LRRTM4: variants seen among roughly 807,000 people sequenced by gnomAD.
The protein encoded by LRRTM4 is leucine rich repeat transmembrane neuronal 4, also known as leucine-rich repeat transmembrane neuronal protein 4.
A neutral mutation model predicts 47.6 loss-of-function variants in LRRTM4; 25 were observed. The ratio of observed to expected loss-of-function variants is 0.53; its 90% CI spans 0.38 to 0.73. The LOEUF is 0.73. LRRTM4 is among the 30% of genes least tolerant of loss of function. The probability of loss-of-function intolerance (pLI) is 0.00; values close to 1 mark genes in which losing one functional copy is unlikely to be tolerated. For missense variants in LRRTM4, 638 were observed against 713.4 expected, an observed-to-expected ratio of 0.89 and a Z score of 1.20; for synonymous variants, 311 against 269.5, an observed-to-expected ratio of 1.15 and a Z score of -1.51.
intron 3 of LRRTM4, among the ~76,000 whole-genome samples, chr2:76,908,196 A>T (rs1365072543): frequency 3.3e-5 from 5 of 150,558 alleles, no homozygotes; most frequent in Non-Finnish European, 7.4e-5. Flanking sequence ...AATATACGCA[A>T]ATCAATAAAT....
rs572923241 is a variant in LRRTM4 at position 77,462,524 on chromosome 2, T to C, written c.1551+55794A>G. Among the ~76,000 whole-genome samples, 42 of 152,048 alleles carry C rather than the reference T, an allele frequency of 2.8e-4. No homozygotes were observed. The South Asian group carries it at 8.1e-3, about 29-fold the overall frequency. ...CTCCTGGCTATCACCAATCAGTTAA[T>C]AAACCTCCTGCTATGAAATAAGGAA... On this transcript the variant is annotated intron_variant, in intron 3 of 3. Coordinates refer to ENST00000409884, the MANE Select transcript of LRRTM4 (RefSeq NM_001134745.3).
intron 3 of LRRTM4, among the ~76,000 whole-genome samples, chr2:77,432,855 G>A (rs752140428): frequency 1.3e-5 from 2 of 152,166 alleles, no homozygotes; most frequent in Non-Finnish European, 2.9e-5. Context: ...AATGTAAACA[G>A]GATGAAGTAA....
intron 3 of LRRTM4, among the ~76,000 whole-genome samples, chr2:77,459,772 A>G (rs201093076): frequency 1.4e-5 from 2 of 145,704 alleles, no homozygotes; most frequent in Admixed American, 6.8e-5. Flanking sequence ...AAAAAAAAAA[A>G]AAAAGAAAAT....
At chr2:76,823,847 T>A (rs998943644) in intron 3 of LRRTM4, among the ~76,000 whole-genome samples, 3 of 151,538 alleles carry the variant, frequency 2.0e-5, no homozygotes, top group African/African-American at 7.2e-5. Context: ...TAAATTTAGA[T>A]AAAATAGCAC....
chr2:77,245,339 G>C (rs757413452), intron 3 of LRRTM4, among the ~76,000 whole-genome samples: 2 of 151,826 alleles, frequency 1.3e-5, no homozygotes, highest in Admixed American at 6.6e-5. Flanking sequence ...TTGAGTACAG[G>C]AGTTTGAGAC....
intron 3 of LRRTM4, among the ~76,000 whole-genome samples, chr2:76,980,183 A>G (rs139282435): frequency 3.8e-4 from 58 of 152,206 alleles, no homozygotes; most frequent in Admixed American, 8.5e-4. Flanking sequence ...GCAAGACAGA[A>G]AAATGTAATA....
chr2:76,905,272 GA>G (rs1224476491), intron 3 of LRRTM4, among the ~76,000 whole-genome samples: 1 of 152,142 alleles, frequency 6.6e-6, no homozygotes, highest in Non-Finnish European at 1.5e-5. Context: ...AATTCCAACA[GA>G]CCTGCGGCTG....
At chr2:76,959,484 T>A (rs1391355646) in intron 3 of LRRTM4, among the ~76,000 whole-genome samples, 1 of 102,020 alleles carries the variant, frequency 9.8e-6, no homozygotes, top group African/African-American at 6.2e-5. Flanking sequence ...AAGGAGAAAT[T>A]ATCCACCTTT....
intron 3 of LRRTM4, among the ~76,000 whole-genome samples, chr2:77,451,457 T>C (rs2103952034): frequency 6.6e-6 from 1 of 152,268 alleles, no homozygotes; most frequent in East Asian, 1.9e-4. Flanking sequence ...AGGTGAGACT[T>C]AGAATACTAA....
At chr2:77,459,986 GATC>G (rs1676722515) in intron 3 of LRRTM4, among the ~76,000 whole-genome samples, 1 of 152,032 alleles carries the variant, frequency 6.6e-6, no homozygotes, top group African/African-American at 2.4e-5. Context: ...TCTATTCTAA[GATC>G]ATGATAAAAA....
chr2:77,175,708 G>A (rs1673177235), intron 3 of LRRTM4, among the ~76,000 whole-genome samples: 1 of 152,094 alleles, frequency 6.6e-6, no homozygotes, highest in Admixed American at 6.6e-5. Flanking sequence ...CATCATGATA[G>A]CCCCTTGGTC....
intron 3 of LRRTM4, among the ~76,000 whole-genome samples, chr2:77,452,598 G>C (rs977700624): frequency 6.6e-6 from 1 of 152,142 alleles, no homozygotes; most frequent in African/African-American, 2.4e-5. Context: ...CGTGACACAG[G>C]GTCCTGACTG....
At chr2:77,176,280 C>T (rs1054853252) in intron 3 of LRRTM4, among the ~76,000 whole-genome samples, 5 of 152,100 alleles carry the variant, frequency 3.3e-5, no homozygotes, top group African/African-American at 1.2e-4. Flanking sequence ...TACTGGTCAC[C>T]CATCACTTTA....
At chr2:77,218,502 C>CTTTA (rs10607132) in intron 3 of LRRTM4, among the ~76,000 whole-genome samples, 7,115 of 146,078 alleles carry the variant, frequency 0.049, 210 homozygotes, top group East Asian at 0.12. Context: ...CCATGTTCTG[C>CTTTA]TTTATTTATT....
chr2:77,030,215 G>T (rs888072600), intron 3 of LRRTM4, among the ~76,000 whole-genome samples: 2 of 152,042 alleles, frequency 1.3e-5, no homozygotes, highest in African/African-American at 4.8e-5. Context: ...GGGAGATCAC[G>T]AGGTCAGGAG....
At chr2:77,138,777 A>C (rs1341809663) in intron 3 of LRRTM4, among the ~76,000 whole-genome samples, 1 of 152,168 alleles carries the variant, frequency 6.6e-6, no homozygotes, top group Middle Eastern at 3.2e-3. Flanking sequence ...GCAATAAAAA[A>C]TGATAAAGGG....
At chr2:76,894,564 T>C (rs1027901234) in intron 3 of LRRTM4, among the ~76,000 whole-genome samples, 7 of 152,062 alleles carry the variant, frequency 4.6e-5, no homozygotes, top group African/African-American at 1.7e-4. Context: ...TTTAATCACA[T>C]GGCAATACTT....
chr2:77,016,076 G>A (rs540099393), intron 3 of LRRTM4, among the ~76,000 whole-genome samples: 1 of 151,708 alleles, frequency 6.6e-6, no homozygotes, highest in South Asian at 2.1e-4. Context: ...ATGAGATTCT[G>A]TCTCCAAAAC....
At chr2:77,092,330 G>A (rs1272475828) in intron 3 of LRRTM4, among the ~76,000 whole-genome samples, 1 of 151,322 alleles carries the variant, frequency 6.6e-6, no homozygotes, top group East Asian at 2.0e-4. Flanking sequence ...CTTCTTTCCT[G>A]TTCCTCACCC....
Sources: allele counts gnomAD v4.1 joint callset (sites outside exome capture counted in the v4.1 genomes callset), GRCh38; gene constraint gnomAD v4.1.1; transcripts MANE v1.5; gene names NCBI Gene and HGNC (gene_info 2026-07-23, HGNC 2026-07-21).